The following GABRB3 variants were observed in gnomAD, a reference collection of about 807,000 sequenced individuals.
GABRB3 encodes the protein gamma-aminobutyric acid type A receptor subunit beta3.
In GABRB3, 14 loss-of-function variants were observed where a neutral mutation model predicts 52.1. The ratio of observed to expected loss-of-function variants is 0.27; its 90% CI spans 0.18 to 0.42. The LOEUF (loss-of-function observed/expected upper bound fraction) is 0.42. Among genes scored for constraint, GABRB3 ranks in the 10% least tolerant of loss-of-function variants. GABRB3 has a pLI of 1.00. For missense variants in GABRB3, 307 were observed against 609.1 expected (o/e 0.50, Z 5.22); for synonymous variants, 260 against 232.3 (o/e 1.12, Z -1.08).
At chr15:26,620,650 A>G (rs1410190514) in intron 4 of GABRB3, among the ~76,000 whole-genome samples, 1 of 152,200 alleles carries the variant, frequency 6.6e-6, no homozygotes, top group Non-Finnish European at 1.5e-5. Context: ...TTTTAAGAGC[A>G]CCATTTAGCA....
chr15:26,634,654 A>C (rs1566785338), intron 3 of GABRB3, among the ~76,000 whole-genome samples: 1 of 151,966 alleles, frequency 6.6e-6, no homozygotes, highest in Non-Finnish European at 1.5e-5. Flanking sequence ...ATAGAATAAT[A>C]TAGGGAATGA....
At chr15:26,591,984 T>C (rs1237084603) in intron 4 of GABRB3, among the ~76,000 whole-genome samples, 2 of 152,146 alleles carry the variant, frequency 1.3e-5, no homozygotes, top group African/African-American at 2.4e-5. Context: ...GAAAGCTCCA[T>C]CAGACAGCAC....
chr15:26,557,559 GTTACATTTCTAC>G (rs1889803460), intron 8 of GABRB3: 1 of 152,112 alleles, frequency 6.6e-6, no homozygotes. Context: ...CTTTTTGGGA[GTTACATTTCTAC>G]TTAAACATTA....
intron 3 of GABRB3, among the ~76,000 whole-genome samples, chr15:26,756,251 G>A (rs1006156496): frequency 6.6e-6 from 1 of 151,920 alleles, no homozygotes; most frequent in African/African-American, 2.4e-5. Context: ...ATCGACTCCA[G>A]ATGGGTCTTC....
Position 26,558,794 on chromosome 15 carries a change from C to T in GABRB3, c.1080+2138G>A, listed in dbSNP as rs145873195. Among the ~76,000 whole-genome samples, 244 of 151,608 alleles carry T rather than the reference C, an allele frequency of 1.6e-3. 2 individuals are homozygous for T. The highest frequency in any genetic ancestry group is 2.2e-3 in the Non-Finnish European group (150 of 67,926). ...GGCAGGTGCCTGTGAGCCAAGATCA[C>T]GCCATCACACTCCAGCCTGGGCAAC... On this transcript the variant is annotated intron_variant, in intron 8 of 8. Transcript: ENST00000311550.
At chr15:26,666,860 G>A (rs1887728914) in intron 3 of GABRB3, among the ~76,000 whole-genome samples, 1 of 152,150 alleles carries the variant, frequency 6.6e-6, no homozygotes. Context: ...CACGGCCCAG[G>A]AAGCGTTGAG....
intron 3 of GABRB3, among the ~76,000 whole-genome samples, chr15:26,695,138 C>A (rs2140670229): frequency 6.6e-6 from 1 of 152,138 alleles, no homozygotes; most frequent in South Asian, 2.1e-4. Context: ...GTCAGTGTAA[C>A]AATGGCTAAG....
chr15:26,670,442 C>G (rs1243257357), intron 3 of GABRB3, among the ~76,000 whole-genome samples: 1 of 152,136 alleles, frequency 6.6e-6, no homozygotes, highest in African/African-American at 2.4e-5. Flanking sequence ...GCGCGGGAGG[C>G]TGGGCGCAGA....
At position 26,704,063 on chromosome 15, in the gene GABRB3, C is replaced by A. The variant is rs888714032; in HGVS notation, c.240+68339G>T. ...ATGGTTCCACCCCTGTGGCAGTTCT[C>A]CGCATGGGCCTTCTCTGAGATAGGC... On this transcript the variant is annotated intron_variant, in intron 3 of 8. Transcript: ENST00000311550. Among the ~76,000 whole-genome samples, 23 of 152,318 alleles carry A rather than the reference C, an allele frequency of 1.5e-4. No homozygotes were observed. The East Asian group carries it at 3.5e-3, about 23-fold the overall frequency.
At chr15:26,638,715 T>G (rs1462711446) in intron 3 of GABRB3, among the ~76,000 whole-genome samples, 1 of 152,194 alleles carries the variant, frequency 6.6e-6, no homozygotes, top group Non-Finnish European at 1.5e-5. Context: ...AAAGCTCCAT[T>G]TGGAATTCTT....
chr15:26,581,660 C>T (rs1365465408), intron 5 of GABRB3, among the ~76,000 whole-genome samples: 1 of 152,224 alleles, frequency 6.6e-6, no homozygotes, highest in African/African-American at 2.4e-5. Context: ...CCCAGGGCTC[C>T]TGGGTCCTGT....
intron 3 of GABRB3, among the ~76,000 whole-genome samples, chr15:26,715,859 C>T (rs1004999579): frequency 6.6e-6 from 1 of 152,136 alleles, no homozygotes; most frequent in Admixed American, 6.5e-5. Context: ...TATTGCAACT[C>T]ATTTATAATG....
intron 3 of GABRB3, among the ~76,000 whole-genome samples, chr15:26,735,523 CCATCCA>C (rs1890042129): frequency 6.6e-6 from 1 of 152,190 alleles, no homozygotes; most frequent in Non-Finnish European, 1.5e-5. Context: ...ACCCAGGAAT[CCATCCA>C]CAGATGAGTG....
chr15:26,731,749 G>A (rs1198403991), intron 3 of GABRB3, among the ~76,000 whole-genome samples: 2 of 152,208 alleles, frequency 1.3e-5, no homozygotes. Flanking sequence ...AAACATAGCA[G>A]ACATGCACAG....
intron 8 of GABRB3, among the ~76,000 whole-genome samples, chr15:26,549,847 C>T (rs1312797159): frequency 6.6e-6 from 1 of 151,976 alleles, no homozygotes; most frequent in Admixed American, 6.5e-5. Flanking sequence ...GCCCCAAACC[C>T]CAGTTCCAGG....
chr15:26,580,639 C>T (rs1193934524), intron 5 of GABRB3, 183 bp from the exon 6 acceptor site: 1 of 793,094 alleles, frequency 1.3e-6, no homozygotes, highest in Non-Finnish European at 2.1e-6. Flanking sequence ...GTTACTGCTG[C>T]CATTTTATTT....
chr15:26,773,031 TC>T lies in GABRB3; in HGVS notation c.-70del. 1 of 1,063,776 alleles carries T rather than the reference TC, an allele frequency of 9.4e-7. No homozygotes were observed. The highest frequency in any genetic ancestry group is 1.1e-6 in the Non-Finnish European group (1 of 903,682). The allele number at this position is 1,063,776 out of a possible 1,614,324, so 65.9% of individuals were successfully genotyped here. On this transcript the variant is annotated 5_prime_UTR_variant, in exon 1 of 9. Coordinates refer to ENST00000311550, the MANE Select transcript of GABRB3 (RefSeq NM_000814.6). ...CGTCGCGACCCGCAGCCGGGGCTGC[TC>T]CTGCTGCTGCCGCCGCCGCCGCCGC...
intron 4 of GABRB3, 110 bp from the exon 5 acceptor site, chr15:26,583,524 G>A (rs975796774): frequency 2.1e-5 from 17 of 809,064 alleles, no homozygotes; most frequent in African/African-American, 3.4e-5. Context: ...CCCAAAGTAC[G>A]CCTGGCTAAA....
At chr15:26,708,512 G>C (rs1206623902) in intron 3 of GABRB3, among the ~76,000 whole-genome samples, 1 of 152,198 alleles carries the variant, frequency 6.6e-6, no homozygotes, top group Non-Finnish European at 1.5e-5. Flanking sequence ...TCCACAAAGA[G>C]AGTCCTGGGT....
Sources: allele counts gnomAD v4.1 joint callset (sites outside exome capture counted in the v4.1 genomes callset), GRCh38; gene constraint gnomAD v4.1.1; transcripts MANE v1.5; gene names NCBI Gene and HGNC (gene_info 2026-07-23, HGNC 2026-07-21).